KIF26B: variants seen among roughly 807,000 people sequenced by gnomAD.
KIF26B encodes the protein kinesin-like protein KIF26B.
KIF26B carries 63 observed loss-of-function variants against 151.2 expected under a neutral mutation model. The ratio of observed to expected loss-of-function variants is 0.42; its 90% confidence interval spans 0.34 to 0.51. KIF26B has a LOEUF of 0.51. Ranked by LOEUF, KIF26B falls within the 20% of genes least tolerant of loss-of-function variation. The probability of loss-of-function intolerance (pLI) is 0.07; values close to 1 mark genes in which losing one functional copy is unlikely to be tolerated. For synonymous variants in KIF26B, 1,357 were observed against 1,262.1 expected (o/e 1.08, Z -1.59); for missense variants, 2,813 against 2,913.6 (o/e 0.97, Z 0.79).
intron 4 of KIF26B, among the ~76,000 whole-genome samples, chr1:245,420,024 T>A (rs1658440659): frequency 6.6e-6 from 1 of 152,134 alleles, no homozygotes. Context: ...ACCAAAAATG[T>A]CTGCAGACAT....
intron 3 of KIF26B, among the ~76,000 whole-genome samples, chr1:245,372,249 C>CTGA (rs958478600): frequency 6.6e-6 from 1 of 152,150 alleles, no homozygotes; most frequent in Non-Finnish European, 1.5e-5. Flanking sequence ...AATCTAATGC[C>CTGA]TGATGATCTG....
chr1:245,617,539 C>A (rs752985581), intron 9 of KIF26B, among the ~76,000 whole-genome samples: 2 of 152,118 alleles, frequency 1.3e-5, no homozygotes. Context: ...TAGGAAAGAA[C>A]CTTGCTTCTA....
intron 3 of KIF26B, among the ~76,000 whole-genome samples, chr1:245,372,386 G>T (rs773103896): frequency 6.6e-6 from 1 of 152,038 alleles, no homozygotes; most frequent in Non-Finnish European, 1.5e-5. Flanking sequence ...TTTATTTCTG[G>T]TTTGGGGGTA....
At chr1:245,188,281 CA>C (rs10661723) in intron 2 of KIF26B, among the ~76,000 whole-genome samples, 9,970 of 78,998 alleles carry the variant, frequency 0.13, 414 homozygotes, top group South Asian at 0.25. Context: ...ACTCCATCTC[CA>C]AAAAAAAAAA....
chr1:245,327,719 A>G (rs1672018894), intron 2 of KIF26B, among the ~76,000 whole-genome samples: 1 of 152,260 alleles, frequency 6.6e-6, no homozygotes, highest in Non-Finnish European at 1.5e-5. Context: ...GAAAGAGTCT[A>G]GCCTCTGACA....
chr1:245,588,793 C>T (rs2043254995), intron 5 of KIF26B, among the ~76,000 whole-genome samples: 1 of 152,180 alleles, frequency 6.6e-6, no homozygotes, highest in African/African-American at 2.4e-5. Flanking sequence ...GTGTTCAACA[C>T]ATGCTGAGTG....
At chr1:245,549,461 C>G (rs574862517) in intron 5 of KIF26B, among the ~76,000 whole-genome samples, 24 of 152,156 alleles carry the variant, frequency 1.6e-4, no homozygotes, top group Non-Finnish European at 3.4e-4. Context: ...AGAATGGAAA[C>G]AGTAGGTATA....
At chr1:245,418,474 A>G (rs950426296) in intron 3 of KIF26B, among the ~76,000 whole-genome samples, 16 of 152,222 alleles carry the variant, frequency 1.1e-4, no homozygotes, top group African/African-American at 3.6e-4. Flanking sequence ...TTCTGCTAAT[A>G]ATGAAAAGTA....
At chr1:245,618,394 C>A (rs547484480) in intron 9 of KIF26B, among the ~76,000 whole-genome samples, 14 of 126,870 alleles carry the variant, frequency 1.1e-4, no homozygotes, top group East Asian at 4.9e-4. Context: ...AGAGTGCCAC[C>A]GTCCTGGGGC....
intron 2 of KIF26B, among the ~76,000 whole-genome samples, chr1:245,212,822 A>G (rs149531603): frequency 1.3e-5 from 2 of 152,368 alleles, no homozygotes; most frequent in East Asian, 3.9e-4. Flanking sequence ...CCACTTAAGG[A>G]GCACTTCATA....
chr1:245,349,559 C>CAAAAAA (rs58254627), intron 2 of KIF26B, among the ~76,000 whole-genome samples: 1 of 75,834 alleles, frequency 1.3e-5, no homozygotes, highest in Non-Finnish European at 3.4e-5. Flanking sequence ...AAATAAACTT[C>CAAAAAA]AAAAAAAAAA....
At chr1:245,645,529 G>C (rs1277434489) in intron 9 of KIF26B, among the ~76,000 whole-genome samples, 1 of 152,162 alleles carries the variant, frequency 6.6e-6, no homozygotes, top group Non-Finnish European at 1.5e-5. Flanking sequence ...TTTAGCTTAT[G>C]ATTCTACTGT....
chr1:245,561,058 G>T (rs555947132), intron 5 of KIF26B, among the ~76,000 whole-genome samples: 1 of 152,310 alleles, frequency 6.6e-6, no homozygotes, highest in East Asian at 1.9e-4. Flanking sequence ...CAGGACAAGT[G>T]CTACCCCGGA....
chr1:245,228,435 G>A (rs945797962), intron 2 of KIF26B, among the ~76,000 whole-genome samples: 2 of 151,990 alleles, frequency 1.3e-5, no homozygotes, highest in South Asian at 2.1e-4. Context: ...GCCTGGAGGC[G>A]CATGCCTGTA....
intron 4 of KIF26B, among the ~76,000 whole-genome samples, chr1:245,445,357 G>A (rs1031489168): frequency 6.6e-6 from 1 of 152,152 alleles, no homozygotes; most frequent in African/African-American, 2.4e-5. Flanking sequence ...GATGCTAATG[G>A]AATCATAATT....
At position 245,590,030 on chromosome 1, in the gene KIF26B, T is replaced by G. The variant is rs77737063; in HGVS notation, c.1351-12547T>G. On this transcript the variant is annotated intron_variant, in intron 5 of 14. Coordinates refer to ENST00000407071, the MANE Select transcript of KIF26B (RefSeq NM_018012.4). ...GCAGACGCAGCATCTCTTGACTGTT[T>G]GCTATTTAACGACAGTCGTAACACA... Among the ~76,000 whole-genome samples, 94 of 152,158 alleles carry G rather than the reference T, an allele frequency of 6.2e-4. 1 individual carries two copies. The East Asian group carries it at 0.014, about 23-fold the overall frequency.
intron 2 of KIF26B, among the ~76,000 whole-genome samples, chr1:245,266,883 G>C (rs1670756422): frequency 6.6e-6 from 1 of 152,160 alleles, no homozygotes; most frequent in Admixed American, 6.5e-5. Flanking sequence ...AGAGAATGTT[G>C]TGTTTAGTAA....
chr1:245,289,858 AC>A (rs1671227496), intron 2 of KIF26B, among the ~76,000 whole-genome samples: 1 of 152,120 alleles, frequency 6.6e-6, no homozygotes, highest in Non-Finnish European at 1.5e-5. Context: ...TGAAGTAGCA[AC>A]CCTCTGCTTA....
intron 4 of KIF26B, among the ~76,000 whole-genome samples, chr1:245,521,064 G>C (rs374502935): frequency 6.6e-6 from 1 of 152,202 alleles, no homozygotes; most frequent in Non-Finnish European, 1.5e-5. Context: ...CAGGCTGGGC[G>C]TGGTGGCTCA....
Sources: allele counts gnomAD v4.1 joint callset (sites outside exome capture counted in the v4.1 genomes callset), GRCh38; gene constraint gnomAD v4.1.1; transcripts MANE v1.5; gene names NCBI Gene and HGNC (gene_info 2026-07-23, HGNC 2026-07-21).